Variants in YLPM1 observed in about 807,000 individuals in gnomAD.
YLPM1 encodes YLP motif-containing protein 1.
A neutral mutation model predicts 230.0 loss-of-function variants in YLPM1; 99 were observed. The observed-to-expected ratio is 0.43, with a 90% CI of 0.37 to 0.51. The LOEUF (loss-of-function observed/expected upper bound fraction) is 0.51. Among genes scored for constraint, YLPM1 ranks in the 20% least tolerant of loss-of-function variants. YLPM1 has a pLI of 0.00. For missense variants in YLPM1, 2,592 were observed against 2,707.7 expected, an observed-to-expected ratio of 0.96 and a Z score of 0.95; for synonymous variants, 984 against 942.5, an observed-to-expected ratio of 1.04 and a Z score of -0.81.
chr14:74,812,906 A>G, intron 11 of YLPM1, 124 bp downstream of exon 11: 1 of 1,265,136 alleles, frequency 7.9e-7, no homozygotes. Flanking sequence ...AAGACGTTTT[A>G]CTATCTCTAA....
At chr14:74,814,318 G>A (rs1199230369) in intron 11 of YLPM1, among the ~76,000 whole-genome samples, 1 of 152,118 alleles carries the variant, frequency 6.6e-6, no homozygotes. Flanking sequence ...CCAAGATCGC[G>A]CCACTGCACT....
intron 9 of YLPM1, 141 bp from the exon 10 acceptor site, chr14:74,811,479 A>G (rs948297024): frequency 1.0e-5 from 6 of 574,216 alleles, no homozygotes; most frequent in Non-Finnish European, 1.8e-5. Flanking sequence ...TAAGACCCCA[A>G]TCTCAAAAAA....
At chr14:74,831,544 A>G (rs1215975876) in intron 19 of YLPM1, among the ~76,000 whole-genome samples, 1 of 152,256 alleles carries the variant, frequency 6.6e-6, no homozygotes, top group African/African-American at 2.4e-5. Flanking sequence ...CACTGTCTTC[A>G]CTGAGGAGTA....
At chr14:74,802,733 G>A in intron 6 of YLPM1, 57 bp downstream of exon 6, 1 of 1,482,746 alleles carries the variant, frequency 6.7e-7, no homozygotes, top group Non-Finnish European at 9.0e-7. Flanking sequence ...ATGTTTCTAT[G>A]TTGTTTGATT....
chr14:74,834,659 ATG>A (rs2091630952), intron 19 of YLPM1, among the ~76,000 whole-genome samples: 1 of 152,224 alleles, frequency 6.6e-6, no homozygotes, highest in Non-Finnish European at 1.5e-5. Context: ...TTCAGGAAGA[ATG>A]ACTAGTACAT....
chr14:74,781,946 C>G lies in YLPM1; in HGVS notation c.1903C>G (p.Pro635Ala). ...SSATPPPGIP[P>A]PGVPQGIPPQ... ...AGCTACACCTCCTCCAGGAATACCTCCCCCTGGAGTTCCACAAGGGATACC... is the reference window on the plus strand; with the variant it reads ...AGCTACACCTCCTCCAGGAATACCTGCCCCTGGAGTTCCACAAGGGATACC... The change falls in exon 4 of 21, where the codon CCC (proline) becomes GCC (alanine). Residue 635 changes from proline to alanine, a missense_variant. Pro to Ala is a conservative substitution (Grantham distance 27). Coordinates refer to ENST00000325680, the MANE Select transcript of YLPM1 (RefSeq NM_019589.3). 1 of 1,613,700 alleles carries G rather than the reference C, an allele frequency of 6.2e-7. No homozygotes were observed. Among genetic ancestry groups the G allele is most frequent in the Non-Finnish European group, 8.5e-7 (1 of 1,179,702 alleles).
chr14:74,780,378 T>A (rs1366495487), intron 2 of YLPM1, 27 bp from the exon 3 acceptor site: 5 of 1,582,274 alleles, frequency 3.2e-6, no homozygotes, highest in Non-Finnish European at 4.3e-6. Context: ...ATGACTTACA[T>A]AAAGATGTGT....
At position 74,763,407 on chromosome 14, in the gene YLPM1, T is replaced by TGTCGCC. The variant is rs2090869175; in HGVS notation, c.-75_-70dup. 6 of 1,375,544 alleles carry TGTCGCC rather than the reference T, an allele frequency of 4.4e-6. No individual in the cohort carries two copies. The African/African-American group carries it at 4.5e-5, about 10-fold the overall frequency. The allele number at this position is 1,375,544 out of a possible 1,614,324, so 85.2% of individuals were successfully genotyped here. A position where few individuals can be genotyped will look rare whatever the true frequency, so the allele number is the denominator to read the frequency against. ...GCCTGTAGGCGCCGCGAGTTCCGGC[T>TGTCGCC]GTCGCCGTCGCCGCCGCGGCTCCTG... On this transcript the variant is annotated 5_prime_UTR_variant, in exon 1 of 21. Transcript: ENST00000325680.
intron 15 of YLPM1, 48 bp downstream of exon 15, chr14:74,817,325 A>G: frequency 6.7e-7 from 1 of 1,495,448 alleles, no homozygotes; most frequent in South Asian, 1.3e-5. Context: ...TGCGCTGCAT[A>G]ATGATGTTTT....
At chr14:74,771,411 C>T (rs2090974804) in intron 1 of YLPM1, among the ~76,000 whole-genome samples, 1 of 152,040 alleles carries the variant, frequency 6.6e-6, no homozygotes, top group Admixed American at 6.6e-5. Flanking sequence ...CTAAGGGAAC[C>T]AATGAAAGAA....
chr14:74,818,337 G>A, intron 16 of YLPM1, 23 bp downstream of exon 16: 3 of 1,555,868 alleles, frequency 1.9e-6, no homozygotes, highest in Non-Finnish European at 2.6e-6. Context: ...TGGTTCAAAT[G>A]CAATGCAAAG....
At chr14:74,827,491 G>C in intron 18 of YLPM1, 1 of 985,356 alleles carries the variant, frequency 1.0e-6, no homozygotes, top group Non-Finnish European at 1.2e-6. Flanking sequence ...AGAAATACAT[G>C]CTCTTCTGAA....
rs778954948 is a variant in YLPM1, at chr14:74,763,843, G to A, written c.354G>A (p.Gln118=). 9.2e-6 allele frequency: 14 copies of A among 1,516,198 alleles called. No homozygotes were observed. The highest frequency in any genetic ancestry group is 1.1e-5 in the Non-Finnish European group (13 of 1,131,242). 93.9% of individuals were successfully genotyped at this position (1,516,198 alleles called of 1,614,324 possible). Residue 118 remains glutamine, a synonymous_variant, in exon 1 of 21, where the codon CAG becomes CAA. Transcript: ENST00000325680. ...CACCCGGGCCGGCCCTCAGCTATCA[G>A]AAGCAGCAGCAGTACAAACACCAGA... The part of the protein sequence containing the change: ...PPPPGPALSY[Q]KQQQYKHQML...
intron 5 of YLPM1, 59 bp from the exon 6 acceptor site, chr14:74,802,497 G>T: frequency 6.6e-7 from 1 of 1,522,398 alleles, no homozygotes; most frequent in East Asian, 2.4e-5. Flanking sequence ...ATTAATTGTA[G>T]TCACTTAGGA....
intron 8 of YLPM1, 30 bp from the exon 9 acceptor site, chr14:74,810,195 A>G (rs1659008340): frequency 6.2e-7 from 1 of 1,600,550 alleles, no homozygotes; most frequent in Non-Finnish European, 8.5e-7. Flanking sequence ...TAAAAGGGAT[A>G]TAGTTATTTT....
intron 2 of YLPM1, 130 bp from the exon 3 acceptor site, chr14:74,780,275 C>A: frequency 8.8e-7 from 1 of 1,142,342 alleles, no homozygotes; most frequent in Non-Finnish European, 1.2e-6. Flanking sequence ...CCAAAAAGAA[C>A]TGAAGATACT....
chr14:74,787,436 G>T (rs534921811), intron 4 of YLPM1, among the ~76,000 whole-genome samples: 1 of 151,868 alleles, frequency 6.6e-6, no homozygotes, highest in Admixed American at 6.6e-5. Context: ...GGTGGTGCAC[G>T]CTTGTAATTC....
Position 74,835,320 on chromosome 14 carries a change from G to T in YLPM1, c.6350G>T (p.Gly2117Val). The T allele has an allele frequency of 6.2e-7, 1 of 1,613,752 alleles. No individual in the cohort carries two copies. Among genetic ancestry groups the T allele is most frequent in the Non-Finnish European group, 8.5e-7 (1 of 1,179,742 alleles). Residue 2117 changes from glycine to valine, a missense_variant, in exon 20 of 21, where the codon GGT becomes GTT. By Grantham distance (109) the Gly-to-Val change is moderately radical (BLOSUM62 -3). Coordinates refer to ENST00000325680, the MANE Select transcript of YLPM1 (RefSeq NM_019589.3). ...GATGCAGATAGGAAAAGGGCCATAG[G>T]TTTTGTGGTCGGACAGACTGATTGG... Reference protein sequence around the residue: ...KKDADRKRAIGFVVGQTDWEK... With the variant: ...KKDADRKRAIVFVVGQTDWEK...
At chr14:74,792,663 A>T (rs1328485486) in intron 4 of YLPM1, among the ~76,000 whole-genome samples, 1 of 152,196 alleles carries the variant, frequency 6.6e-6, no homozygotes, top group Non-Finnish European at 1.5e-5. Context: ...TGCCCTTTTC[A>T]CTACTTAAAC....
Sources: allele counts gnomAD v4.1 joint callset (sites outside exome capture counted in the v4.1 genomes callset), GRCh38; gene constraint gnomAD v4.1.1; transcripts MANE v1.5; gene names NCBI Gene and HGNC (gene_info 2026-07-23, HGNC 2026-07-21).